The following SMARCA4 variants were observed in gnomAD, a reference collection of about 807,000 sequenced individuals.
SMARCA4 encodes the protein SWI/SNF related BAF chromatin remodeling complex subunit ATPase 4.
Under a neutral mutation model 193.9 loss-of-function variants are expected in SMARCA4, and 31 were observed. That is an observed-to-expected ratio of 0.16 (90% CI 0.12 to 0.22). The LOEUF (loss-of-function observed/expected upper bound fraction) is 0.22. Ranked by LOEUF, SMARCA4 falls within the 10% of genes least tolerant of loss-of-function variation. The pLI, the probability that SMARCA4 is intolerant of heterozygous loss-of-function variation, is 1.00. For missense variants in SMARCA4, 1,148 were observed against 2,296.0 expected (o/e 0.50, Z 10.22); for synonymous variants, 942 against 933.1 (o/e 1.01, Z -0.17).
rs150112403 is a variant in SMARCA4 at position 10,975,973 on chromosome 19, C to G, written c.-31-8148C>G. Among the ~76,000 whole-genome samples, 559 of 152,252 alleles carry G rather than the reference C, an allele frequency of 3.7e-3. 7 individuals carry two copies. Among genetic ancestry groups the G allele is most frequent in the African/African-American group, 0.013 (520 of 41,562 alleles). On this transcript the variant is annotated intron_variant, in intron 1 of 34. Coordinates refer to ENST00000344626, the MANE Select transcript of SMARCA4 (RefSeq NM_003072.5). ...ATTCTTGCCCTTTTGGCCCCTGAATCCCCTCATCCTTTGCTTTTTCCACCT... is the reference window on the plus strand; with the variant it reads ...ATTCTTGCCCTTTTGGCCCCTGAATGCCCTCATCCTTTGCTTTTTCCACCT...
At chr19:10,997,031 T>G (rs2087127243) in intron 11 of SMARCA4, among the ~76,000 whole-genome samples, 1 of 151,712 alleles carries the variant, frequency 6.6e-6, no homozygotes, top group South Asian at 2.1e-4. Context: ...AAGTTGTTTT[T>G]TTTTTTGAGA....
intron 30 of SMARCA4, among the ~76,000 whole-genome samples, chr19:11,043,824 A>G (rs555280459): frequency 1.8e-4 from 27 of 152,278 alleles, no homozygotes; most frequent in Non-Finnish European, 2.8e-4. Context: ...AAATACAAAA[A>G]TAGAAATTAA....
At chr19:11,060,896 G>A (rs1600655207) in intron 34 of SMARCA4, among the ~76,000 whole-genome samples, 1 of 152,298 alleles carries the variant, frequency 6.6e-6, no homozygotes, top group East Asian at 1.9e-4. Context: ...CGCACGTGAC[G>A]TTTGAGGACA....
In SMARCA4 at chr19:10,994,941, G is replaced by A. The variant is rs1415983739; in HGVS notation, c.1533G>A (p.Thr511=). Residue 511 remains threonine, a synonymous_variant, in exon 9 of 35, where the codon ACG becomes ACA. Coordinates refer to ENST00000344626, the MANE Select transcript of SMARCA4 (RefSeq NM_003072.5). Reference sequence around the variant, plus strand: ...CAGTGGCCACGTACCATGCCAACACGGAGCGGGAGCAGAAGAAAGAGAACG... The same window carrying A: ...CAGTGGCCACGTACCATGCCAACACAGAGCGGGAGCAGAAGAAAGAGAACG... ...TKAVATYHAN[T]EREQKKENER... 3 of 1,613,980 alleles carry A rather than the reference G, an allele frequency of 1.9e-6. No individual in the cohort carries two copies. Among genetic ancestry groups the A allele is most frequent in the African/African-American group, 1.3e-5 (1 of 74,936 alleles).
rs1278221486 is a variant in SMARCA4, at chr19:11,058,060, C to G, written c.4425-195C>G. ...GGTGGAGGTTGCAGTGAGCCGAGATCGCACCATTGCACTCCAGCCTGGGCA... is the reference window on the plus strand; with the variant it reads ...GGTGGAGGTTGCAGTGAGCCGAGATGGCACCATTGCACTCCAGCCTGGGCA... On this transcript the variant is annotated intron_variant, in intron 30 of 34. Coordinates refer to ENST00000344626, the MANE Select transcript of SMARCA4 (RefSeq NM_003072.5). The surrounding 1 kb of genome is among the most constrained non-coding windows in gnomAD (Gnocchi z 5.8). 2.0e-5 allele frequency among the ~76,000 whole-genome samples: 3 copies of G among 151,486 alleles called. No homozygotes were observed. Among genetic ancestry groups the G allele is most frequent in the Non-Finnish European group, 4.4e-5 (3 of 67,924 alleles).
In SMARCA4 at chr19:10,986,463, G is replaced by T. The variant is rs1043452739; in HGVS notation, c.630G>T (p.Met210Ile). Residue 210 changes from methionine to isoleucine, a missense_variant, in exon 4 of 35, where the codon ATG (methionine) becomes ATT (isoleucine). Physicochemically the swap from Met to Ile is conservative, Grantham distance 10. Transcript: ENST00000344626. This position sits in a 1 kb window ranked among gnomAD's most constrained non-coding sequence, Gnocchi z 6.7. Reference protein sequence around the residue: ...LQMAVQGKRPMPGMQQQMPTL... With the variant: ...LQMAVQGKRPIPGMQQQMPTL... ...TGGCGGTGCAGGGCAAGCGGCCGAT[G>T]CCCGGGATGCAGCAGCAGATGCCAA... is the stretch of plus-strand genomic sequence containing the variant. 8 of 1,556,854 alleles carry T rather than the reference G, an allele frequency of 5.1e-6. No homozygotes were observed. The highest frequency in any genetic ancestry group is 2.7e-5 in the African/African-American group (2 of 73,420).
chr19:11,046,948 C>CAAAAAAAAA (rs35450843), intron 30 of SMARCA4, among the ~76,000 whole-genome samples: 1 of 91,834 alleles, frequency 1.1e-5, no homozygotes, highest in African/African-American at 4.2e-5. Context: ...GACCCTGTTG[C>CAAAAAAAAA]AAAAAAAAAA....
chr19:11,016,297 C>T (rs982596734), intron 16 of SMARCA4, among the ~76,000 whole-genome samples: 10 of 152,196 alleles, frequency 6.6e-5, no homozygotes, highest in African/African-American at 1.9e-4. Context: ...GCCCCCATGA[C>T]ACAGATGCCT....
rs908882099 is a variant in SMARCA4, at chr19:11,058,599, C to A, written c.4534-189C>A. On this transcript the variant is annotated intron_variant, in intron 31 of 34. Transcript: ENST00000344626. This position sits in a 1 kb window ranked among gnomAD's most constrained non-coding sequence, Gnocchi z 5.8. ...TGTTGGGTGTTCCTTCAAGGTCCCACTCACTTAGTGCTGGGCCTCAGTCAT... is the reference window on the plus strand; with the variant it reads ...TGTTGGGTGTTCCTTCAAGGTCCCAATCACTTAGTGCTGGGCCTCAGTCAT... Among the ~76,000 whole-genome samples the A allele has an allele frequency of 9.9e-5, 15 of 152,114 alleles. No individual in the cohort carries two copies. Among genetic ancestry groups the A allele is most frequent in the African/African-American group, 3.6e-4 (15 of 41,396 alleles).
chr19:11,011,669 T>C (rs1349710581), intron 15 of SMARCA4: 1 of 152,192 alleles, frequency 6.6e-6, no homozygotes, highest in African/African-American at 2.4e-5. Flanking sequence ...CTGGGCAACA[T>C]AGTGAGACAC....
Position 11,033,634 on chromosome 19 carries a change from T to A in SMARCA4, c.3774+117T>A. The A allele has an allele frequency of 1.2e-6, 1 of 819,608 alleles. No homozygotes were observed. The highest frequency in any genetic ancestry group is 1.4e-5 in the South Asian group (1 of 73,380). The allele number at this position is 819,608 out of a possible 1,614,324, so 50.8% of individuals were successfully genotyped here. A position where few individuals can be genotyped will look rare whatever the true frequency, so the allele number is the denominator to read the frequency against. The stretch of plus-strand genomic sequence containing the variant: ...TTATTTTTTTTGCATCCCTTTGGAG[T>A]AAAGGGAGTGTGGGCTGAACGGAAA... On this transcript the variant is annotated intron_variant, in intron 26 of 34. Transcript: ENST00000344626. This position sits in a 1 kb window ranked among gnomAD's most constrained non-coding sequence, Gnocchi z 9.8.
chr19:10,980,895 GCATGTGT>G (rs1451703835), intron 1 of SMARCA4: 5 of 152,508 alleles, frequency 3.3e-5, no homozygotes, highest in African/African-American at 1.2e-4. Context: ...GGGGCTACAG[GCATGTGT>G]CACCAAGCAT....
chr19:11,056,105 G>A (rs890922535), intron 30 of SMARCA4: 6 of 152,258 alleles, frequency 3.9e-5, no homozygotes, highest in Admixed American at 2.0e-4. Context: ...TCCGTAGAGT[G>A]GAGAACAGGA....
intron 14 of SMARCA4, among the ~76,000 whole-genome samples, chr19:11,010,092 T>G (rs2088674910): frequency 6.6e-6 from 1 of 151,572 alleles, no homozygotes; most frequent in East Asian, 2.0e-4. Flanking sequence ...TCCCAAAGTG[T>G]TGAAATTACA....
At chr19:11,021,568 G>A (rs1212754007) in intron 18 of SMARCA4, 157 bp from the exon 19 acceptor site, 3 of 919,132 alleles carry the variant, frequency 3.3e-6, no homozygotes, top group Middle Eastern at 2.1e-4. Flanking sequence ...AACTCGGTGA[G>A]TCAGCCCCGG....
intron 30 of SMARCA4, among the ~76,000 whole-genome samples, chr19:11,054,928 A>G (rs2076457379): frequency 1.3e-5 from 2 of 152,174 alleles, no homozygotes; most frequent in East Asian, 1.9e-4. Context: ...GGGCACTGAC[A>G]TCAAAGGTGG....
intron 16 of SMARCA4, among the ~76,000 whole-genome samples, chr19:11,016,422 T>C (rs538251112): frequency 6.6e-6 from 1 of 152,304 alleles, no homozygotes; most frequent in East Asian, 1.9e-4. Flanking sequence ...AAAAAATAAT[T>C]ACATGAGAGT....
rs2146660544 is a variant in SMARCA4 at position 11,033,687 on chromosome 19, AGTG to A, written c.3775-77_3775-75del. 3 of 780,834 alleles carry A rather than the reference AGTG, an allele frequency of 3.8e-6. No individual in the cohort carries two copies. The highest frequency in any genetic ancestry group is 7.1e-6 in the Non-Finnish European group (3 of 423,356). 48.4% of individuals were successfully genotyped at this position (780,834 alleles called of 1,614,324 possible). A position where few individuals can be genotyped will look rare whatever the true frequency, so the allele number is the denominator to read the frequency against. Reference sequence around the variant, plus strand: ...GGATGAGTACTTGCTTTTTCTTTGAAGTGGTTTTTTTTTCTAAACTGCTGGTGA... The same window carrying A: ...GGATGAGTACTTGCTTTTTCTTTGAAGTTTTTTTTTCTAAACTGCTGGTGA... On this transcript the variant is annotated intron_variant, in intron 26 of 34. Transcript: ENST00000344626. The surrounding 1 kb of genome is among the most constrained non-coding windows in gnomAD (Gnocchi z 9.8).
chr19:11,054,453 C>A, intron 30 of SMARCA4, among the ~76,000 whole-genome samples: 1 of 152,204 alleles, frequency 6.6e-6, no homozygotes. Flanking sequence ...CCAGGATCAT[C>A]CCTGGGGGAA....
Sources: allele counts gnomAD v4.1 joint callset (sites outside exome capture counted in the v4.1 genomes callset), GRCh38; gene constraint gnomAD v4.1.1; non-coding constraint Gnocchi (gnomAD v3.1); transcripts MANE v1.5; gene names NCBI Gene and HGNC (gene_info 2026-07-23, HGNC 2026-07-21).